PARVA: variants seen among roughly 807,000 people sequenced by gnomAD.
PARVA encodes the protein parvin alpha.
In PARVA, 25 loss-of-function variants were observed where a neutral mutation model predicts 52.6. That is an observed-to-expected ratio of 0.48 (90% CI 0.35 to 0.66). PARVA has a LOEUF of 0.66. Ranked by LOEUF, PARVA falls within the 30% of genes least tolerant of loss-of-function variation. PARVA has a pLI of 0.01. For missense variants in PARVA, 373 were observed against 450.9 expected, an observed-to-expected ratio of 0.83 and a Z score of 1.56; for synonymous variants, 185 against 179.1, an observed-to-expected ratio of 1.03 and a Z score of -0.26.
At chr11:12,451,929 A>T (rs1452300307) in intron 1 of PARVA, among the ~76,000 whole-genome samples, 4 of 151,884 alleles carry the variant, frequency 2.6e-5, no homozygotes, top group South Asian at 4.1e-4. Context: ...TCAAATGATC[A>T]TGGGTAGCAT....
chr11:12,492,963 A>C (rs921020975), intron 4 of PARVA, among the ~76,000 whole-genome samples: 3 of 152,232 alleles, frequency 2.0e-5, no homozygotes, highest in African/African-American at 4.8e-5. Context: ...ATAATGAGTT[A>C]TATTCATATA....
chr11:12,406,222 GAATT>G (rs1344363165), intron 1 of PARVA, among the ~76,000 whole-genome samples: 1 of 152,196 alleles, frequency 6.6e-6, no homozygotes, highest in Admixed American at 6.5e-5. Flanking sequence ...ATTCAGGCAG[GAATT>G]AATTAATTCT....
chr11:12,454,576 TAA>T (rs55992909), intron 1 of PARVA, among the ~76,000 whole-genome samples: 6 of 142,710 alleles, frequency 4.2e-5, no homozygotes, highest in Admixed American at 2.1e-4. Flanking sequence ...AAGTATCATT[TAA>T]AAAAAAAAAA....
intron 4 of PARVA, among the ~76,000 whole-genome samples, chr11:12,493,140 G>C (rs1941253348): frequency 6.6e-6 from 1 of 152,152 alleles, no homozygotes; most frequent in South Asian, 2.1e-4. Flanking sequence ...TGGATCTCTT[G>C]AGTCCAGGAG....
At chr11:12,491,678 A>G (rs1410196796) in intron 4 of PARVA, among the ~76,000 whole-genome samples, 1 of 152,248 alleles carries the variant, frequency 6.6e-6, no homozygotes, top group Admixed American at 6.5e-5. Flanking sequence ...TTAAACTTAT[A>G]TGTACTTTTG....
At chr11:12,464,971 G>A (rs1275342237) in intron 1 of PARVA, among the ~76,000 whole-genome samples, 1 of 152,166 alleles carries the variant, frequency 6.6e-6, no homozygotes, top group Non-Finnish European at 1.5e-5. Flanking sequence ...TTCTCATAAG[G>A]AGCACACAAC....
intron 4 of PARVA, chr11:12,479,925 TAATC>T (rs1941064341): frequency 6.6e-6 from 1 of 152,210 alleles, no homozygotes; most frequent in South Asian, 2.1e-4. Context: ...GCCTAGCACT[TAATC>T]AATGTATATT....
chr11:12,514,330 G>A (rs1229017843), intron 10 of PARVA, among the ~76,000 whole-genome samples: 1 of 152,118 alleles, frequency 6.6e-6, no homozygotes, highest in Non-Finnish European at 1.5e-5. Flanking sequence ...CTCTTTCTCT[G>A]CACCCCTAAA....
intron 1 of PARVA, among the ~76,000 whole-genome samples, chr11:12,407,675 A>C (rs182714385): frequency 1.3e-5 from 2 of 152,312 alleles, no homozygotes; most frequent in Admixed American, 1.3e-4. Context: ...GATCACCAGC[A>C]CAGAGGAAAG....
intron 1 of PARVA, among the ~76,000 whole-genome samples, chr11:12,436,489 G>A (rs529612336): frequency 2.3e-4 from 35 of 152,282 alleles, no homozygotes; most frequent in African/African-American, 6.3e-4. Flanking sequence ...AGAGCAGAGG[G>A]ACATGTGACA....
At position 12,533,111 on chromosome 11, in the gene PARVA, TG is replaced by T. The variant is rs1268282523; in HGVS notation, c.*5187del. Among the ~76,000 whole-genome samples, 1 of 152,162 alleles carries T rather than the reference TG, an allele frequency of 6.6e-6. No homozygotes were observed. The highest frequency in any genetic ancestry group is 1.5e-5 in the Non-Finnish European group (1 of 68,028). On this transcript the variant is annotated 3_prime_UTR_variant, in exon 13 of 13. Coordinates refer to ENST00000334956, the MANE Select transcript of PARVA (RefSeq NM_018222.5). ...GGGCATCCCATAGCTCCTCCTAACCTGCTGCTGCTGATGGACAGGAACTCCT... is the reference window on the plus strand; with the variant it reads ...GGGCATCCCATAGCTCCTCCTAACCTCTGCTGCTGATGGACAGGAACTCCT...
intron 1 of PARVA, among the ~76,000 whole-genome samples, chr11:12,417,552 T>G (rs1165478158): frequency 2.0e-5 from 3 of 152,198 alleles, no homozygotes; most frequent in African/African-American, 4.8e-5. Context: ...TTTTTCTGTC[T>G]GCATTTTCTA....
At chr11:12,498,917 A>C (rs1314434953) in intron 5 of PARVA, among the ~76,000 whole-genome samples, 1 of 152,168 alleles carries the variant, frequency 6.6e-6, no homozygotes, top group East Asian at 1.9e-4. Context: ...GCTTGATCTT[A>C]CATCACACGT....
intron 1 of PARVA, among the ~76,000 whole-genome samples, chr11:12,410,240 G>T (rs1939974788): frequency 6.6e-6 from 1 of 152,222 alleles, no homozygotes; most frequent in Non-Finnish European, 1.5e-5. Flanking sequence ...CCTTGTGCTG[G>T]CCTGGGCTCT....
rs1941755759 is a variant in PARVA, at chr11:12,530,276, G to A, written c.*2351G>A. 1 of 152,050 alleles carries A rather than the reference G, an allele frequency of 6.6e-6. No individual in the cohort carries two copies. Among genetic ancestry groups the A allele is most frequent in the Admixed American group, 6.5e-5 (1 of 15,272 alleles). 9.4% of individuals were successfully genotyped at this position (152,050 alleles called of 1,614,324 possible). ...CTGGTTTTCTAATGCTGTCATCTCA[G>A]TTCGATATTTTACTTTAGAACCTGG... On this transcript the variant is annotated 3_prime_UTR_variant, in exon 13 of 13. Coordinates refer to ENST00000334956, the MANE Select transcript of PARVA (RefSeq NM_018222.5).
chr11:12,499,937 CATTGTATGGATCTACCATA>C (rs1461916776), intron 5 of PARVA, among the ~76,000 whole-genome samples: 3 of 152,116 alleles, frequency 2.0e-5, no homozygotes, highest in African/African-American at 7.2e-5. Flanking sequence ...TATAATGTGA[CATTGTATGGATCTACCATA>C]ATTTACTTAA....
Position 12,532,113 on chromosome 11 carries a change from G to T in PARVA, c.*4188G>T, listed in dbSNP as rs573088007. 6.6e-6 allele frequency among the ~76,000 whole-genome samples: 1 copy of T among 152,148 alleles called. No homozygotes were observed. Among genetic ancestry groups the T allele is most frequent in the Non-Finnish European group, 1.5e-5 (1 of 68,042 alleles). On this transcript the variant is annotated 3_prime_UTR_variant, in exon 13 of 13. Coordinates refer to ENST00000334956, the MANE Select transcript of PARVA (RefSeq NM_018222.5). ...TGTGAACGTGTGCATGCGTGTTCAC[G>T]TGTTCATGACAACAGCAATGCAGCC...
At chr11:12,497,128 C>T (rs1365986134) in intron 5 of PARVA, among the ~76,000 whole-genome samples, 1 of 152,130 alleles carries the variant, frequency 6.6e-6, no homozygotes, top group African/African-American at 2.4e-5. Flanking sequence ...TAGCATAGCT[C>T]AGAGACCTCA....
At position 12,475,179 on chromosome 11, in the gene PARVA, G is replaced by A. The variant is rs146046888; in HGVS notation, c.297+1196G>A. 2.1e-3 allele frequency among the ~76,000 whole-genome samples: 312 copies of A among 152,118 alleles called. 2 individuals carry two copies. The highest frequency in any genetic ancestry group is 1.4e-3 in the Non-Finnish European group (98 of 68,010). Reference sequence around the variant, plus strand: ...GCCAGAACTGCTGCTCCCAGCAGCCGATGCGTGCTCCCAGCGCTCCCCACC... The same window carrying A: ...GCCAGAACTGCTGCTCCCAGCAGCCAATGCGTGCTCCCAGCGCTCCCCACC... On this transcript the variant is annotated intron_variant, in intron 3 of 12. Transcript: ENST00000334956.
Sources: allele counts gnomAD v4.1 joint callset (sites outside exome capture counted in the v4.1 genomes callset), GRCh38; gene constraint gnomAD v4.1.1; transcripts MANE v1.5; gene names NCBI Gene and HGNC (gene_info 2026-07-23, HGNC 2026-07-21).